PLXNA4: variants seen among roughly 807,000 people sequenced by gnomAD.
PLXNA4 encodes the protein plexin A4, also known as plexin-A4.
Under a neutral mutation model 191.8 loss-of-function variants are expected in PLXNA4, and 44 were observed. The observed-to-expected ratio is 0.23, with a 90% CI of 0.18 to 0.29. PLXNA4 has a LOEUF of 0.29. PLXNA4 is among the 10% of genes least tolerant of loss of function. The pLI is 1.00. For synonymous variants in PLXNA4, 1,082 were observed against 1,009.5 expected, an observed-to-expected ratio of 1.07 and a Z score of -1.36; for missense variants, 1,800 against 2,488.8, an observed-to-expected ratio of 0.72 and a Z score of 5.89.
chr7:132,293,519 T>C (rs979030561), intron 4 of PLXNA4, among the ~76,000 whole-genome samples: 1 of 152,172 alleles, frequency 6.6e-6, no homozygotes, highest in Non-Finnish European at 1.5e-5. Context: ...GGAGCTACAA[T>C]GCAAGATGAG....
intron 3 of PLXNA4, among the ~76,000 whole-genome samples, chr7:132,376,181 G>A (rs1018279203): frequency 1.3e-5 from 2 of 152,278 alleles, no homozygotes; most frequent in East Asian, 1.9e-4. Context: ...ATGTGAAAAG[G>A]TCTCATCAAT....
intron 3 of PLXNA4, among the ~76,000 whole-genome samples, chr7:132,444,583 T>C (rs1795823858): frequency 6.6e-6 from 1 of 152,184 alleles, no homozygotes; most frequent in Non-Finnish European, 1.5e-5. Context: ...TTTGAGTATC[T>C]TGAATGGCAG....
At chr7:132,253,390 C>T (rs1022027230) in intron 4 of PLXNA4, among the ~76,000 whole-genome samples, 1 of 151,990 alleles carries the variant, frequency 6.6e-6, no homozygotes, top group African/African-American at 2.4e-5. Flanking sequence ...CACACACCAC[C>T]ATGCCAAGCT....
rs76127993 is a variant in PLXNA4, at chr7:132,484,861, C to T, written c.1371+4431G>A. ...CATTTAGGAAGCAACAAAGCAGAGG[C>T]TGGACTCTCTGATCTGATATTGCTT... is the stretch of plus-strand genomic sequence containing the variant. On this transcript the variant is annotated intron_variant, in intron 3 of 31. Coordinates refer to ENST00000321063, the MANE Select transcript of PLXNA4 (RefSeq NM_020911.2). 3.2e-4 allele frequency: 515 copies of T among 1,614,144 alleles called. 3 individuals carry two copies. The African/African-American group carries it at 6.3e-3, about 20-fold the overall frequency.
intron 21 of PLXNA4, among the ~76,000 whole-genome samples, chr7:132,171,923 C>T (rs182306622): frequency 1.4e-4 from 21 of 152,292 alleles, no homozygotes; most frequent in African/African-American, 1.7e-4. Flanking sequence ...CACACTTAAA[C>T]GGCAACAGTT....
At chr7:132,473,596 C>A (rs771581480) in intron 3 of PLXNA4, among the ~76,000 whole-genome samples, 1 of 152,172 alleles carries the variant, frequency 6.6e-6, no homozygotes, top group African/African-American at 2.4e-5. Flanking sequence ...AGGCAAGACC[C>A]TCCAAAAAGA....
intron 4 of PLXNA4, chr7:132,266,449 A>G (rs1405480937): frequency 6.6e-6 from 1 of 152,210 alleles, no homozygotes; most frequent in Non-Finnish European, 1.5e-5. Flanking sequence ...ATTTGCTCTT[A>G]GGAAATTAAC....
At chr7:132,162,116 G>T (rs1795969069) in intron 24 of PLXNA4, among the ~76,000 whole-genome samples, 1 of 152,194 alleles carries the variant, frequency 6.6e-6, no homozygotes, top group South Asian at 2.1e-4. Flanking sequence ...AGCACTCTGG[G>T]CTCCTCCAGC....
intron 4 of PLXNA4, among the ~76,000 whole-genome samples, chr7:132,257,972 G>A (rs1304163807): frequency 6.6e-6 from 1 of 152,254 alleles, no homozygotes; most frequent in Admixed American, 6.5e-5. Flanking sequence ...GCTAGCATGG[G>A]CCTTAATAAA....
intron 3 of PLXNA4, chr7:132,384,865 T>C: frequency 5.9e-6 from 7 of 1,180,922 alleles, no homozygotes; most frequent in Non-Finnish European, 7.4e-6. Context: ...GCCCAAGAGA[T>C]AACTATATTC....
At chr7:132,469,992 C>G (rs77509945) in intron 3 of PLXNA4, among the ~76,000 whole-genome samples, 3,687 of 152,286 alleles carry the variant, frequency 0.024, 136 homozygotes, top group African/African-American at 0.085. Context: ...GGTTCAGTGG[C>G]AGATCTTCTC....
rs187825282 is a variant in PLXNA4, at chr7:132,444,892, G to A, written c.1371+44400C>T. ...TTAAGATTGGTTCTCGGCTGGGCGC[G>A]GTGGCTCACTCCTGTAATCCCAACA... On this transcript the variant is annotated intron_variant, in intron 3 of 31. Coordinates refer to ENST00000321063, the MANE Select transcript of PLXNA4 (RefSeq NM_020911.2). Among the ~76,000 whole-genome samples, 307 of 151,748 alleles carry A rather than the reference G, an allele frequency of 2.0e-3. 1 individual carries two copies. Among genetic ancestry groups the A allele is most frequent in the Non-Finnish European group, 2.6e-3 (174 of 67,896 alleles).
intron 4 of PLXNA4, among the ~76,000 whole-genome samples, chr7:132,274,317 G>T (rs1369744937): frequency 6.6e-6 from 1 of 151,492 alleles, no homozygotes; most frequent in Non-Finnish European, 1.5e-5. Flanking sequence ...TATTGATTTT[G>T]AAATAATTTT....
At position 132,390,707 on chromosome 7, in the gene PLXNA4, C is replaced by A. The variant is rs146716433; in HGVS notation, c.1372-92485G>T. Reference sequence around the variant, plus strand: ...TTCTCTGCCCCATGAGTCCCAGCCCCCTTCTGCCCACCAACCACTCTCCTT... The same window carrying A: ...TTCTCTGCCCCATGAGTCCCAGCCCACTTCTGCCCACCAACCACTCTCCTT... On this transcript the variant is annotated intron_variant, in intron 3 of 31. Coordinates refer to ENST00000321063, the MANE Select transcript of PLXNA4 (RefSeq NM_020911.2). Among the ~76,000 whole-genome samples the A allele has an allele frequency of 6.4e-3, 977 of 152,244 alleles. 7 individuals carry two copies. Among genetic ancestry groups the A allele is most frequent in the Middle Eastern group, 0.037 (11 of 294 alleles).
At chr7:132,535,162 T>C (rs955322549) in intron 1 of PLXNA4, among the ~76,000 whole-genome samples, 1 of 152,166 alleles carries the variant, frequency 6.6e-6, no homozygotes, top group Non-Finnish European at 1.5e-5. Context: ...TCAACCCGTC[T>C]CCAAATAAAA....
rs191324664 is a variant in PLXNA4 at position 132,224,783 on chromosome 7, G to A, written c.1983-1142C>T. On this transcript the variant is annotated intron_variant, in intron 8 of 31. Transcript: ENST00000321063. ...TAACTCATTTTTGGCTGGGAGGGCC[G>A]GATGCCTTCTTACTTGGGGCCCCAA... is the stretch of plus-strand genomic sequence containing the variant. Among the ~76,000 whole-genome samples, 18 of 152,274 alleles carry A rather than the reference G, an allele frequency of 1.2e-4. No homozygotes were observed. The East Asian group carries it at 2.1e-3, about 18-fold the overall frequency.
intron 3 of PLXNA4, among the ~76,000 whole-genome samples, chr7:132,382,958 C>T (rs921211330): frequency 1.3e-5 from 2 of 152,122 alleles, no homozygotes; most frequent in African/African-American, 4.8e-5. Context: ...GTCTTAGTGT[C>T]TTATCCTTAT....
Position 132,361,061 on chromosome 7 carries a change from GTCC to G in PLXNA4, c.1372-62842_1372-62840del, listed in dbSNP as rs1295853580. On this transcript the variant is annotated intron_variant, in intron 3 of 31. Coordinates refer to ENST00000321063, the MANE Select transcript of PLXNA4 (RefSeq NM_020911.2). ...GAAGATACTGGCCTTAACATGGATC[GTCC>G]TCCATGCCATCCACTTCCCCAAGGA... is the stretch of plus-strand genomic sequence containing the variant. Among the ~76,000 whole-genome samples, 23 of 152,152 alleles carry G rather than the reference GTCC, an allele frequency of 1.5e-4. 1 individual carries two copies. The highest frequency in any genetic ancestry group is 5.1e-4 in the African/African-American group (21 of 41,426).
intron 3 of PLXNA4, among the ~76,000 whole-genome samples, chr7:132,387,003 C>T (rs1435245765): frequency 6.6e-6 from 1 of 152,212 alleles, no homozygotes; most frequent in Non-Finnish European, 1.5e-5. Flanking sequence ...CTGCAAAATA[C>T]AAATGCATTG....
Sources: gnomAD v4.1 joint callset for allele counts (sites outside exome capture counted in the v4.1 genomes callset) on GRCh38, gnomAD v4.1.1 for gene constraint, MANE v1.5 for transcripts, NCBI Gene and HGNC (gene_info 2026-07-23, HGNC 2026-07-21) for gene names.